Variants in SEMA4D observed in about 807,000 individuals in gnomAD.
The protein encoded by SEMA4D is semaphorin 4D.
Under a neutral mutation model 74.8 loss-of-function variants are expected in SEMA4D, and 22 were observed. That is an observed-to-expected ratio of 0.29 (90% CI 0.21 to 0.42). SEMA4D has a LOEUF of 0.42. Ranked by LOEUF, SEMA4D falls within the 10% of genes least tolerant of loss-of-function variation. The pLI is 1.00. For synonymous variants in SEMA4D, 445 were observed against 463.7 expected, an observed-to-expected ratio of 0.96 and a Z score of 0.52; for missense variants, 937 against 1,118.4, an observed-to-expected ratio of 0.84 and a Z score of 2.31.
intron 2 of SEMA4D, among the ~76,000 whole-genome samples, chr9:89,421,499 A>G (rs1256120391): frequency 6.6e-6 from 1 of 152,220 alleles, no homozygotes; most frequent in African/African-American, 2.4e-5. Context: ...AGAATTCAGT[A>G]TGGATATACC....
chr9:89,479,182 T>C (rs1464385169), intron 1 of SEMA4D, among the ~76,000 whole-genome samples: 3 of 152,312 alleles, frequency 2.0e-5, no homozygotes, highest in Non-Finnish European at 2.9e-5. Context: ...GCCAGCATCC[T>C]GGTGAACAAT....
intron 2 of SEMA4D, among the ~76,000 whole-genome samples, chr9:89,425,008 G>A (rs191266341): frequency 6.6e-6 from 1 of 152,240 alleles, no homozygotes; most frequent in East Asian, 1.9e-4. Context: ...AACTTGCTAG[G>A]TGTGCATTTT....
intron 2 of SEMA4D, among the ~76,000 whole-genome samples, chr9:89,452,558 TCTC>T (rs1443128794): frequency 6.6e-6 from 1 of 152,060 alleles, no homozygotes; most frequent in Non-Finnish European, 1.5e-5. Flanking sequence ...TTCAAGCGAT[TCTC>T]CTATCTCAGC....
chr9:89,461,696 TTC>T (rs148655839), intron 1 of SEMA4D, among the ~76,000 whole-genome samples: 1 of 100,928 alleles, frequency 9.9e-6, no homozygotes, highest in Non-Finnish European at 2.1e-5. Flanking sequence ...TATTTCTTTT[TTC>T]TCTTTTTTTT....
At chr9:89,364,079 T>C (rs981370420) in intron 16 of SEMA4D, 13 of 1,571,256 alleles carry the variant, frequency 8.3e-6, no homozygotes, top group Non-Finnish European at 8.6e-6. Context: ...AACTTCCAAT[T>C]CAGTCCCTGG....
rs1825739006 is a variant in SEMA4D, at chr9:89,492,876, C to T, written c.-310+5043G>A. 6.6e-6 allele frequency among the ~76,000 whole-genome samples: 1 copy of T among 152,228 alleles called. No individual in the cohort carries two copies. Among genetic ancestry groups the T allele is most frequent in the Non-Finnish European group, 1.5e-5 (1 of 68,046 alleles). On this transcript the variant is annotated intron_variant, in intron 1 of 15. Coordinates refer to ENST00000422704, the MANE Select transcript of SEMA4D (RefSeq NM_001371194.2). The surrounding 1 kb of genome is among the most constrained non-coding windows in gnomAD (Gnocchi z 4.3). ...CCCTCACCACTCCTCACCTCCCCTA[C>T]ATCTAGGGCTCAGCAAGGCACAGGG...
chr9:89,466,630 G>A (rs1278811023), intron 1 of SEMA4D, among the ~76,000 whole-genome samples: 1 of 147,668 alleles, frequency 6.8e-6, no homozygotes, highest in Non-Finnish European at 1.5e-5. Flanking sequence ...TCACCTGCAT[G>A]TGCACACTCT....
intron 2 of SEMA4D, chr9:89,418,126 A>G: frequency 1.0e-6 from 1 of 984,350 alleles, no homozygotes; most frequent in Non-Finnish European, 1.2e-6. Context: ...TTGCTGTGAA[A>G]ATAATGGGAA....
At chr9:89,495,054 T>C (rs993924975) in intron 1 of SEMA4D, among the ~76,000 whole-genome samples, 5 of 152,138 alleles carry the variant, frequency 3.3e-5, no homozygotes, top group Non-Finnish European at 7.4e-5. Flanking sequence ...GGGTGCCACT[T>C]AGATGTGATC....
chr9:89,415,359 A>C (rs1455253685), intron 2 of SEMA4D, among the ~76,000 whole-genome samples: 1 of 152,206 alleles, frequency 6.6e-6, no homozygotes, highest in Non-Finnish European at 1.5e-5. Flanking sequence ...GTGGCTGGCC[A>C]GCCCCTCAGG....
chr9:89,388,661 G>A lies in SEMA4D; in HGVS notation c.1082C>T (p.Pro361Leu), dbSNP rs148588269. The change falls in exon 11 of 16, where the codon CCG becomes CTG. Residue 361 changes from proline to leucine, a missense_variant. Transcript: ENST00000422704. ...CGCTCCAGGCCGCGGCTTGGGTACC[G>A]GGCCATTATAGCGCACCCACTTGGT... ...SHTKWVRYNGPVPKPRPGACI... is the reference protein window; with the variant it reads ...SHTKWVRYNGLVPKPRPGACI... 3.5e-4 allele frequency: 553 copies of A among 1,601,830 alleles called. No homozygotes were observed. Among genetic ancestry groups the A allele is most frequent in the Middle Eastern group, 8.3e-4 (5 of 6,020 alleles).
chr9:89,490,909 T>C (rs1330977980), intron 1 of SEMA4D, among the ~76,000 whole-genome samples: 1 of 152,222 alleles, frequency 6.6e-6, no homozygotes, highest in African/African-American at 2.4e-5. Flanking sequence ...TGCTCACCTC[T>C]GCTGCAATAG....
chr9:89,371,232 T>C (rs558016669), intron 16 of SEMA4D, among the ~76,000 whole-genome samples: 14 of 89,208 alleles, frequency 1.6e-4, no homozygotes, highest in African/African-American at 5.9e-4. Context: ...GGTGTGTGTC[T>C]GGGGTAGGGT....
intron 5 of SEMA4D, among the ~76,000 whole-genome samples, chr9:89,397,805 C>T (rs9410474): frequency 0.25 from 38,286 of 152,134 alleles, 4,961 homozygotes; most frequent in Middle Eastern, 0.35. Context: ...TTTCTTTCTT[C>T]TTTTGCCTTT....
chr9:89,405,588 A>T lies in SEMA4D; in HGVS notation c.-132T>A. 6.8e-7 allele frequency: 1 copy of T among 1,465,138 alleles called. No individual in the cohort carries two copies. The highest frequency in any genetic ancestry group is 9.0e-7 in the Non-Finnish European group (1 of 1,112,116). 90.8% of individuals were successfully genotyped at this position (1,465,138 alleles called of 1,614,324 possible). The stretch of plus-strand genomic sequence containing the variant: ...GCAGCACAGCCTGGAGCTCGTGAAC[A>T]GCGCGGTCCCTGAGAATCCACATTT... On this transcript the variant is annotated 5_prime_UTR_variant, in exon 3 of 16. Transcript: ENST00000422704.
At chr9:89,415,598 C>T (rs1345993738) in intron 2 of SEMA4D, among the ~76,000 whole-genome samples, 1 of 152,178 alleles carries the variant, frequency 6.6e-6, no homozygotes, top group Admixed American at 6.5e-5. Flanking sequence ...GCTCCCTCAC[C>T]CCTCAACCAT....
At chr9:89,476,644 C>T (rs892705216) in intron 1 of SEMA4D, among the ~76,000 whole-genome samples, 3 of 152,212 alleles carry the variant, frequency 2.0e-5, no homozygotes, top group Admixed American at 1.3e-4. Context: ...GTGGCATCTC[C>T]ACAATCAGGT....
chr9:89,462,806 T>A (rs1857565683), intron 1 of SEMA4D, among the ~76,000 whole-genome samples: 1 of 150,066 alleles, frequency 6.7e-6, no homozygotes, highest in South Asian at 2.1e-4. Context: ...TAGCTGGGTG[T>A]GGTGACATGC....
chr9:89,461,944 G>A (rs1857368456), intron 1 of SEMA4D, among the ~76,000 whole-genome samples: 1 of 151,954 alleles, frequency 6.6e-6, no homozygotes, highest in Admixed American at 6.6e-5. Flanking sequence ...CTCATGATCT[G>A]CCCACCTCGG....
Sources: gnomAD v4.1 joint callset for allele counts (sites outside exome capture counted in the v4.1 genomes callset) on GRCh38, gnomAD v4.1.1 for gene constraint, Gnocchi (gnomAD v3.1) non-coding constraint, MANE v1.5 for transcripts, NCBI Gene and HGNC (gene_info 2026-07-23, HGNC 2026-07-21) for gene names.